Variants in C16orf95 observed in about 807,000 individuals in gnomAD.
C16orf95 encodes chromosome 16 open reading frame 95.
C16orf95 carries 41 observed loss-of-function variants against 32.1 expected under a neutral mutation model. The ratio of observed to expected loss-of-function variants is 1.28; its 90% CI spans 1.00 to 1.66. C16orf95 has a LOEUF of 1.66. C16orf95 is among the 40% of genes most tolerant of loss of function. C16orf95 has a pLI of 0.00. For missense variants in C16orf95, 399 were observed against 325.9 expected (o/e 1.22, Z -1.73); for synonymous variants, 147 against 128.9 (o/e 1.14, Z -0.95).
chr16:87,315,490 G>A (rs909792913), intron 2 of C16orf95, among the ~76,000 whole-genome samples: 1 of 152,134 alleles, frequency 6.6e-6, no homozygotes, highest in African/African-American at 2.4e-5. Context: ...TGTGACCTTC[G>A]CAACACCCTC....
intron 5 of C16orf95, among the ~76,000 whole-genome samples, chr16:87,307,122 T>G (rs1233992768): frequency 6.6e-6 from 1 of 152,166 alleles, no homozygotes; most frequent in Non-Finnish European, 1.5e-5. Context: ...TTCACAGATT[T>G]ACTCATTCAT....
chr16:87,316,431 G>C (rs1030435141), intron 1 of C16orf95, among the ~76,000 whole-genome samples: 1 of 152,180 alleles, frequency 6.6e-6, no homozygotes, highest in African/African-American at 2.4e-5. Flanking sequence ...ACAGTAGTGG[G>C]TCAAAGTGCT....
chr16:87,312,568 C>CAAAAAAAAAAAAAAAAAAAAAA (rs71389850), intron 3 of C16orf95, among the ~76,000 whole-genome samples: 1 of 86,058 alleles, frequency 1.2e-5, no homozygotes, highest in African/African-American at 5.2e-5. Context: ...GACTCCATCT[C>CAAAAAAAAAAAAAAAAAAAAAA]AAAAAAAAAA....
rs1408206489 is a variant in C16orf95 at position 87,315,835 on chromosome 16, G to A, written c.153-12C>T. 2.6e-6 allele frequency: 4 copies of A among 1,526,454 alleles called. No homozygotes were observed. The Admixed American group carries it at 8.0e-5, about 31-fold the overall frequency. The allele number at this position is 1,526,454 out of a possible 1,614,324, so 94.6% of individuals were successfully genotyped here. ...GAAATGTGCTATTCCTAGAAGAGAA[G>A]AACAGAAAAGCTTAGGGTTTGTGTA... On this transcript the variant is annotated splice_polypyrimidine_tract_variant and intron_variant, in intron 1 of 6. Transcript: ENST00000567970.
rs76025006 is a variant in C16orf95, at chr16:87,305,433, C to A, written c.701+286G>T. Reference sequence around the variant, plus strand: ...AATTTATGGAAACTGGGACCCGTGTCCTTCTGGGAGCAGGGCCATTTTAGA... The same window carrying A: ...AATTTATGGAAACTGGGACCCGTGTACTTCTGGGAGCAGGGCCATTTTAGA... On this transcript the variant is annotated intron_variant, in intron 6 of 6. Coordinates refer to ENST00000567970, the MANE Select transcript of C16orf95 (RefSeq NM_001195124.3). The surrounding 1 kb of genome is among the most constrained non-coding windows in gnomAD (Gnocchi z 4.2). Among the ~76,000 whole-genome samples the A allele has an allele frequency of 9.4e-3, 1,419 of 151,504 alleles. 28 individuals carry two copies. The highest frequency in any genetic ancestry group is 0.033 in the African/African-American group (1,371 of 41,400).
At chr16:87,309,578 T>C (rs1911188807) in intron 5 of C16orf95, among the ~76,000 whole-genome samples, 1 of 151,760 alleles carries the variant, frequency 6.6e-6, no homozygotes, top group African/African-American at 2.4e-5. Context: ...GAGACAAGGT[T>C]TCACTATGTT....
At position 87,305,638 on chromosome 16, in the gene C16orf95, C is replaced by T; in HGVS notation, c.701+81G>A. On this transcript the variant is annotated intron_variant, in intron 6 of 6. Coordinates refer to ENST00000567970, the MANE Select transcript of C16orf95 (RefSeq NM_001195124.3). This position sits in a 1 kb window ranked among gnomAD's most constrained non-coding sequence, Gnocchi z 4.2. ...AGCCCCACCCCCCACTCTTCCACAT[C>T]CCTGATGGCCACCAAGCCTCCCTCA... 3 of 1,302,368 alleles carry T rather than the reference C, an allele frequency of 2.3e-6. No homozygotes were observed. The highest frequency in any genetic ancestry group is 5.6e-5 in the Admixed American group (2 of 35,940). 80.7% of individuals were successfully genotyped at this position (1,302,368 alleles called of 1,614,324 possible). A position where few individuals can be genotyped will look rare whatever the true frequency, so the allele number is the denominator to read the frequency against.
intron 5 of C16orf95, among the ~76,000 whole-genome samples, chr16:87,307,229 C>A (rs1034040955): frequency 6.6e-6 from 1 of 152,156 alleles, no homozygotes; most frequent in Non-Finnish European, 1.5e-5. Context: ...CCCTCCACAA[C>A]AGAAAACACC....
chr16:87,316,724 G>A (rs1904353233), intron 1 of C16orf95, among the ~76,000 whole-genome samples: 1 of 151,860 alleles, frequency 6.6e-6, no homozygotes, highest in African/African-American at 2.4e-5. Context: ...CTGGAAAGCT[G>A]GGAAAAAAAA....
chr16:87,312,255 G>A (rs1331212767), intron 3 of C16orf95, among the ~76,000 whole-genome samples: 6 of 152,162 alleles, frequency 3.9e-5, no homozygotes, highest in Admixed American at 1.3e-4. Flanking sequence ...AGCTCTGCAC[G>A]TAGTGGTAGA....
At chr16:87,312,568 C>CA (rs71389850) in intron 3 of C16orf95, among the ~76,000 whole-genome samples, 17,151 of 85,698 alleles carry the variant, frequency 0.2, 1,658 homozygotes, top group South Asian at 0.39. Context: ...GACTCCATCT[C>CA]AAAAAAAAAA....
chr16:87,316,239 C>T (rs1466478272), intron 1 of C16orf95, among the ~76,000 whole-genome samples: 4 of 152,176 alleles, frequency 2.6e-5, no homozygotes, highest in Non-Finnish European at 5.9e-5. Flanking sequence ...GAAAAAACAT[C>T]GTCAAACTGT....
chr16:87,316,688 G>T (rs570792972), intron 1 of C16orf95, among the ~76,000 whole-genome samples: 3 of 152,192 alleles, frequency 2.0e-5, no homozygotes, highest in Admixed American at 6.5e-5. Flanking sequence ...TGTAGTTCAG[G>T]TGGGCCAAAC....
intron 3 of C16orf95, among the ~76,000 whole-genome samples, chr16:87,312,677 C>CT (rs2150653866): frequency 6.6e-6 from 1 of 151,738 alleles, no homozygotes; most frequent in Admixed American, 6.6e-5. Flanking sequence ...CAACACTGTA[C>CT]TGAAAGGTCT....
At chr16:87,309,708 T>G (rs541060770) in intron 5 of C16orf95, among the ~76,000 whole-genome samples, 6 of 152,248 alleles carry the variant, frequency 3.9e-5, no homozygotes, top group African/African-American at 1.2e-4. Context: ...TCCATAAACT[T>G]TTTCAAGGCC....
Position 87,305,799 on chromosome 16 carries a change from T to G in C16orf95, c.621A>C (p.Leu207=). The G allele has an allele frequency of 6.6e-7, 1 of 1,515,978 alleles. No individual in the cohort carries two copies. The highest frequency in any genetic ancestry group is 1.2e-5 in the South Asian group (1 of 82,238). The allele number at this position is 1,515,978 out of a possible 1,614,324, so 93.9% of individuals were successfully genotyped here. ...QQLQAPYQDQ[L]PAPAARLLPL... is the part of the protein sequence containing the mutation. ...GCAGCAGACGCGCTGCAGGAGCCGG[T>G]AGCTGGTCCTGGTAGGGGGCCTGGA... is the stretch of plus-strand genomic sequence containing the variant. The change falls in exon 6 of 7, where the codon CTA becomes CTC. Residue 207 remains leucine (L), a synonymous_variant. Coordinates refer to ENST00000567970, the MANE Select transcript of C16orf95 (RefSeq NM_001195124.3). This position sits in a 1 kb window ranked among gnomAD's most constrained non-coding sequence, Gnocchi z 4.2.
chr16:87,315,648 C>G, intron 2 of C16orf95, 124 bp downstream of exon 2: 1 of 753,116 alleles, frequency 1.3e-6, no homozygotes. Flanking sequence ...CTCCTGCAAC[C>G]ACACTTTTGT....
chr16:87,307,201 A>G (rs1911066957), intron 5 of C16orf95, among the ~76,000 whole-genome samples: 1 of 152,222 alleles, frequency 6.6e-6, no homozygotes, highest in Admixed American at 6.5e-5. Flanking sequence ...GCCAGCCCAG[A>G]AAACACAGAC....
At chr16:87,311,560 T>C (rs1911285876) in intron 3 of C16orf95, among the ~76,000 whole-genome samples, 1 of 152,190 alleles carries the variant, frequency 6.6e-6, no homozygotes, top group Admixed American at 6.5e-5. Flanking sequence ...TCTGCACCTG[T>C]GCCCTGGCGG....
Sources: allele counts gnomAD v4.1 joint callset (sites outside exome capture counted in the v4.1 genomes callset), GRCh38; gene constraint gnomAD v4.1.1; non-coding constraint Gnocchi (gnomAD v3.1); transcripts MANE v1.5; gene names NCBI Gene and HGNC (gene_info 2026-07-23, HGNC 2026-07-21).